The following TTC29 variants were observed in gnomAD, a reference collection of about 807,000 sequenced individuals.
The protein encoded by TTC29 is tetratricopeptide repeat protein 29.
A neutral mutation model predicts 58.1 loss-of-function variants in TTC29; 49 were observed. The ratio of observed to expected loss-of-function variants is 0.84; its 90% CI spans 0.67 to 1.07. The LOEUF is 1.07. Among genes scored for constraint, TTC29 ranks in the 50% least tolerant of loss-of-function variants. The pLI, the probability that TTC29 is intolerant of heterozygous loss-of-function variation, is 0.00. For missense variants in TTC29, 582 were observed against 555.6 expected (o/e 1.05, Z -0.48); for synonymous variants, 209 against 196.8 (o/e 1.06, Z -0.52).
intron 4 of TTC29, chr4:146,934,461 GA>G (rs1403703205): frequency 1.3e-5 from 2 of 152,192 alleles, no homozygotes; most frequent in African/African-American, 4.8e-5. Context: ...TTAACCTTGG[GA>G]TGTCTGTGAT....
intron 4 of TTC29, 21 bp from the exon 5 acceptor site, chr4:146,909,270 A>C (rs1733740448): frequency 6.4e-7 from 1 of 1,551,192 alleles, no homozygotes; most frequent in Admixed American, 1.8e-5. Flanking sequence ...GAATCAGAAC[A>C]CTCTCAGGTT....
At chr4:146,722,128 A>T (rs1743406659) in intron 11 of TTC29, among the ~76,000 whole-genome samples, 1 of 152,144 alleles carries the variant, frequency 6.6e-6, no homozygotes, top group African/African-American at 2.4e-5. Context: ...AATGATCTCT[A>T]CAAGGAGAAC....
At position 146,915,211 on chromosome 4, in the gene TTC29, T is replaced by C. The variant is rs561414316; in HGVS notation, c.177-5962A>G. On this transcript the variant is annotated intron_variant, in intron 4 of 12. Transcript: ENST00000325106. ...GGTTGCAAATTCTGAATTCTTCCCA[T>C]TTCCCTACATTGCCTCCTATTATAT... is the stretch of plus-strand genomic sequence containing the variant. 2.6e-5 allele frequency among the ~76,000 whole-genome samples: 4 copies of C among 152,294 alleles called. No individual in the cohort carries two copies. In the South Asian group the frequency reaches 8.3e-4, roughly 32 times the overall value.
rs1340345931 is a variant in TTC29, at chr4:146,724,025, A to G, written c.1331-16474T>C. Among the ~76,000 whole-genome samples the G allele has an allele frequency of 2.0e-5, 3 of 152,354 alleles. No individual in the cohort carries two copies. In the East Asian group the frequency reaches 5.8e-4, roughly 29 times the overall value. Reference sequence around the variant, plus strand: ...TAAAGAAAAGGCACACATATACACCATGGAATACTATGCAGTCACAAAAAG... The same window carrying G: ...TAAAGAAAAGGCACACATATACACCGTGGAATACTATGCAGTCACAAAAAG... On this transcript the variant is annotated intron_variant, in intron 11 of 12. Transcript: ENST00000325106.
intron 4 of TTC29, among the ~76,000 whole-genome samples, chr4:146,912,619 C>G (rs571627261): frequency 2.6e-5 from 4 of 152,128 alleles, no homozygotes; most frequent in African/African-American, 9.6e-5. Flanking sequence ...GATCAAGGCT[C>G]AGGGCCAGGA....
intron 4 of TTC29, among the ~76,000 whole-genome samples, chr4:146,919,542 T>C (rs1734450114): frequency 1.3e-5 from 2 of 151,008 alleles, no homozygotes; most frequent in Non-Finnish European, 3.0e-5. Flanking sequence ...CAAATGATCA[T>C]TTTTGTCTAA....
At chr4:146,713,111 CGTGTGTGT>C (rs10678715) in intron 11 of TTC29, among the ~76,000 whole-genome samples, 1 of 139,542 alleles carries the variant, frequency 7.2e-6, no homozygotes, top group African/African-American at 2.7e-5. Flanking sequence ...GAGAATTGAT[CGTGTGTGT>C]GTGTGTGTGT....
At chr4:146,795,815 G>T (rs903710346) in intron 11 of TTC29, among the ~76,000 whole-genome samples, 1 of 152,146 alleles carries the variant, frequency 6.6e-6, no homozygotes, top group African/African-American at 2.4e-5. Flanking sequence ...ATACACATAG[G>T]AGAGGATCAT....
intron 8 of TTC29, among the ~76,000 whole-genome samples, chr4:146,858,900 C>T (rs1202299805): frequency 3.3e-5 from 5 of 152,138 alleles, no homozygotes; most frequent in African/African-American, 9.7e-5. Context: ...TTGTTGTCCT[C>T]TCACTCCAAA....
At chr4:146,945,153 G>C (rs188829833) in intron 1 of TTC29, 76 bp from the exon 2 acceptor site, 43 of 152,182 alleles carry the variant, frequency 2.8e-4, no homozygotes, top group African/African-American at 9.4e-4. Flanking sequence ...TCCTCTCCCC[G>C]CTCCAAGTCA....
chr4:146,708,816 A>T (rs1184542829), intron 11 of TTC29, among the ~76,000 whole-genome samples: 1 of 151,798 alleles, frequency 6.6e-6, no homozygotes, highest in African/African-American at 2.4e-5. Context: ...TATTTTCTGA[A>T]ATTCCTTTTA....
At chr4:146,775,554 T>C (rs990000327) in intron 11 of TTC29, among the ~76,000 whole-genome samples, 4 of 151,998 alleles carry the variant, frequency 2.6e-5, no homozygotes, top group Non-Finnish European at 4.4e-5. Context: ...CTTTTTTTTT[T>C]TTTTTAAGAA....
chr4:146,848,511 G>A (rs186961505), intron 8 of TTC29, among the ~76,000 whole-genome samples: 7 of 152,266 alleles, frequency 4.6e-5, no homozygotes, highest in Admixed American at 3.9e-4. Context: ...GGTTTATTTA[G>A]AGGTGTGATT....
intron 11 of TTC29, among the ~76,000 whole-genome samples, chr4:146,719,111 T>G (rs550341053): frequency 6.6e-6 from 1 of 151,938 alleles, no homozygotes; most frequent in Admixed American, 6.6e-5. Context: ...TTATTATCAG[T>G]TTGTAGTATA....
rs534728957 is a variant in TTC29 at position 146,860,419 on chromosome 4, T to C, written c.885+7079A>G. Among the ~76,000 whole-genome samples the C allele has an allele frequency of 3.3e-5, 5 of 152,224 alleles. No individual in the cohort carries two copies. In the South Asian group the frequency reaches 1.0e-3, roughly 32 times the overall value. ...TAATAAATATATATCAAATAAAAAT[T>C]TTTGGAATATTTTTTCTGATACAGT... On this transcript the variant is annotated intron_variant, in intron 8 of 12. Coordinates refer to ENST00000325106, the MANE Select transcript of TTC29 (RefSeq NM_031956.4).
Position 146,707,560 on chromosome 4 carries a change from A to T in TTC29, c.1331-9T>A. On this transcript the variant is annotated splice_polypyrimidine_tract_variant and intron_variant, in intron 11 of 12. Transcript: ENST00000325106. ...GGATCCTCTAAACTCTTCTAAAAAAAAAATACACAAAGTTAATAGATTATC... is the reference window on the plus strand; with the variant it reads ...GGATCCTCTAAACTCTTCTAAAAAATAAATACACAAAGTTAATAGATTATC... 2 of 1,579,274 alleles carry T rather than the reference A, an allele frequency of 1.3e-6. No individual in the cohort carries two copies. The highest frequency in any genetic ancestry group is 1.7e-6 in the Non-Finnish European group (2 of 1,159,826).
chr4:146,766,040 G>A (rs1203693024), intron 11 of TTC29, among the ~76,000 whole-genome samples: 1 of 152,052 alleles, frequency 6.6e-6, no homozygotes, highest in African/African-American at 2.4e-5. Context: ...GGGAAGCAGA[G>A]AGGTCTTGAG....
chr4:146,708,334 A>ATATATATATATATATATATACATG (rs1561046868), intron 11 of TTC29, among the ~76,000 whole-genome samples: 6 of 74,026 alleles, frequency 8.1e-5, no homozygotes, highest in African/African-American at 2.5e-4. Flanking sequence ...ATATATATAT[A>ATATATATATATATATATATACATG]TATATATATA....
chr4:146,777,936 G>A (rs1427391250), intron 11 of TTC29, among the ~76,000 whole-genome samples: 4 of 152,144 alleles, frequency 2.6e-5, no homozygotes, highest in Non-Finnish European at 1.5e-5. Flanking sequence ...CAAGCCTAGG[G>A]GTAACAGGAT....
Sources: allele counts gnomAD v4.1 joint callset (sites outside exome capture counted in the v4.1 genomes callset), GRCh38; gene constraint gnomAD v4.1.1; transcripts MANE v1.5; gene names NCBI Gene and HGNC (gene_info 2026-07-23, HGNC 2026-07-21).